Variants in AUTS2 observed in about 807,000 individuals in gnomAD.
AUTS2 encodes activator of transcription and developmental regulator AUTS2, also known as autism susceptibility gene 2 protein.
AUTS2 carries 17 observed loss-of-function variants against 112.4 expected under a neutral mutation model. That is an observed-to-expected ratio of 0.15 (90% CI 0.10 to 0.23). AUTS2 has a LOEUF of 0.23. Among genes scored for constraint, AUTS2 ranks in the 10% least tolerant of loss-of-function variants. The pLI, the probability that AUTS2 is intolerant of heterozygous loss-of-function variation, is 1.00. For missense variants in AUTS2, 1,510 were observed against 1,701.6 expected (o/e 0.89, Z 1.98); for synonymous variants, 751 against 702.7 (o/e 1.07, Z -1.09).
At chr7:69,880,783 G>A (rs975745335) in intron 1 of AUTS2, among the ~76,000 whole-genome samples, 1 of 152,170 alleles carries the variant, frequency 6.6e-6, no homozygotes, top group African/African-American at 2.4e-5. Flanking sequence ...AGAGGAGAGG[G>A]TGGTGACAAT....
intron 6 of AUTS2, among the ~76,000 whole-genome samples, chr7:70,700,904 C>T (rs1161608650): frequency 6.6e-6 from 1 of 152,202 alleles, no homozygotes; most frequent in Non-Finnish European, 1.5e-5. Flanking sequence ...AGTCAGGTCT[C>T]CTATCTTTGT....
intron 4 of AUTS2, among the ~76,000 whole-genome samples, chr7:70,197,493 C>G (rs1810245419): frequency 7.4e-6 from 1 of 135,242 alleles, no homozygotes; most frequent in Non-Finnish European, 1.6e-5. Context: ...GCGCACCGTG[C>G]GCGAGCCGAA....
At chr7:70,035,982 T>C (rs1800983476) in intron 2 of AUTS2, among the ~76,000 whole-genome samples, 1 of 152,184 alleles carries the variant, frequency 6.6e-6, no homozygotes, top group African/African-American at 2.4e-5. Flanking sequence ...GAAGTACAGA[T>C]AACACAAGTA....
intron 1 of AUTS2, among the ~76,000 whole-genome samples, chr7:69,765,344 T>C (rs1788372788): frequency 6.6e-6 from 1 of 152,306 alleles, no homozygotes; most frequent in South Asian, 2.1e-4. Flanking sequence ...TCCTCCAGAA[T>C]GTTGTTAAGA....
chr7:70,738,721 G>T (rs1403268793), intron 6 of AUTS2, among the ~76,000 whole-genome samples: 1 of 152,148 alleles, frequency 6.6e-6, no homozygotes, highest in Non-Finnish European at 1.5e-5. Flanking sequence ...GACCACGTGA[G>T]TGTTACATGT....
intron 2 of AUTS2, among the ~76,000 whole-genome samples, chr7:70,088,674 G>A (rs558162146): frequency 2.6e-5 from 4 of 151,376 alleles, no homozygotes; most frequent in East Asian, 2.0e-4. Flanking sequence ...GTGCAATGGC[G>A]CGATCTCGGC....
At chr7:69,791,195 T>C (rs1419381345) in intron 1 of AUTS2, among the ~76,000 whole-genome samples, 1 of 152,230 alleles carries the variant, frequency 6.6e-6, no homozygotes, top group Admixed American at 6.5e-5. Flanking sequence ...CCTAAATCTT[T>C]TTGTGTTCCC....
chr7:70,629,723 C>G (rs902003378), intron 5 of AUTS2, among the ~76,000 whole-genome samples: 1 of 152,094 alleles, frequency 6.6e-6, no homozygotes, highest in Non-Finnish European at 1.5e-5. Context: ...CGCTGTCTCA[C>G]CAGCCCCACC....
intron 5 of AUTS2, among the ~76,000 whole-genome samples, chr7:70,637,744 G>T (rs1273344168): frequency 2.0e-5 from 3 of 152,126 alleles, no homozygotes; most frequent in Non-Finnish European, 2.9e-5. Context: ...TATAGATGGT[G>T]GGCAAGGGGA....
chr7:70,207,798 G>A (rs1810645140), intron 4 of AUTS2, among the ~76,000 whole-genome samples: 2 of 152,036 alleles, frequency 1.3e-5, no homozygotes. Context: ...GATCACCTGA[G>A]CTCAAGGGTT....
intron 2 of AUTS2, among the ~76,000 whole-genome samples, chr7:69,976,367 T>C (rs759719372): frequency 5.3e-5 from 8 of 152,264 alleles, no homozygotes; most frequent in Non-Finnish European, 1.0e-4. Flanking sequence ...TTCCATTGTA[T>C]GAATATACGG....
chr7:70,241,562 C>T (rs1016470284), intron 4 of AUTS2, among the ~76,000 whole-genome samples: 2 of 152,054 alleles, frequency 1.3e-5, no homozygotes, highest in African/African-American at 2.4e-5. Flanking sequence ...GGTTTGGGTT[C>T]TTTCTCCATT....
In AUTS2 at chr7:70,774,064, A is replaced by C; in HGVS notation, c.1867A>C (p.Thr623Pro). The C allele has an allele frequency of 6.2e-7, 1 of 1,614,192 alleles. No individual in the cohort carries two copies. Among genetic ancestry groups the C allele is most frequent in the Non-Finnish European group, 8.5e-7 (1 of 1,180,046 alleles). ...NPIDVAARPG[T>P]VPHTLLQKDP... is the part of the protein sequence containing the mutation. ...TATCGATGTCGCTGCTCGGCCTGGGACAGTCCCACACACTTTACTCCAAAA... is the reference window on the plus strand; with the variant it reads ...TATCGATGTCGCTGCTCGGCCTGGGCCAGTCCCACACACTTTACTCCAAAA... The change falls in exon 12 of 19, where the codon ACA (threonine) becomes CCA (proline). Residue 623 changes from threonine to proline, a missense_variant. Thr to Pro is a conservative substitution (Grantham distance 38, BLOSUM62 -1). This residue lies in a region of AUTS2 where 187 missense variants were observed against 309.7 expected (regional missense o/e 0.60). Coordinates refer to ENST00000342771, the MANE Select transcript of AUTS2 (RefSeq NM_015570.4).
intron 1 of AUTS2, among the ~76,000 whole-genome samples, chr7:69,653,223 A>T (rs997436825): frequency 5.3e-5 from 8 of 152,214 alleles, no homozygotes; most frequent in African/African-American, 1.9e-4. Context: ...TCTCAGGCCA[A>T]GAAGTGAGTT....
chr7:69,823,380 T>C (rs1791087117), intron 1 of AUTS2, among the ~76,000 whole-genome samples: 1 of 152,194 alleles, frequency 6.6e-6, no homozygotes. Flanking sequence ...TAGACTCTTG[T>C]AGAAGCAAGG....
intron 4 of AUTS2, among the ~76,000 whole-genome samples, chr7:70,298,353 AT>A (rs1789045653): frequency 6.6e-6 from 1 of 152,256 alleles, no homozygotes; most frequent in South Asian, 2.1e-4. Flanking sequence ...TAAAAAACAA[AT>A]TTTAAGTCAC....
In AUTS2 at chr7:70,453,394, C is replaced by T. The variant is rs200606236; in HGVS notation, c.690+17613C>T. Among the ~76,000 whole-genome samples, 39 of 152,310 alleles carry T rather than the reference C, an allele frequency of 2.6e-4. No individual in the cohort carries two copies. In the East Asian group the frequency reaches 7.1e-3, roughly 28 times the overall value. On this transcript the variant is annotated intron_variant, in intron 5 of 18. Transcript: ENST00000342771. ...CCTTCCTAAGCATTACCTTGGCAAGCGCTACAGAGCAATGTAACATAGGAT... is the reference window on the plus strand; with the variant it reads ...CCTTCCTAAGCATTACCTTGGCAAGTGCTACAGAGCAATGTAACATAGGAT...
intron 2 of AUTS2, among the ~76,000 whole-genome samples, chr7:70,008,451 A>G (rs1180009835): frequency 1.3e-5 from 2 of 152,082 alleles, no homozygotes; most frequent in African/African-American, 2.4e-5. Flanking sequence ...TCTTTATTAT[A>G]TATTTGTTTA....
chr7:69,637,701 G>A (rs1389977195), intron 1 of AUTS2, among the ~76,000 whole-genome samples: 3 of 151,972 alleles, frequency 2.0e-5, no homozygotes, highest in African/African-American at 7.3e-5. Flanking sequence ...AGCGATAGTA[G>A]ATGGTTTTGC....
Sources: allele counts gnomAD v4.1 joint callset (sites outside exome capture counted in the v4.1 genomes callset), GRCh38; gene constraint gnomAD v4.1.1; regional missense constraint gnomAD v4.1.1; transcripts MANE v1.5; gene names NCBI Gene and HGNC (gene_info 2026-07-23, HGNC 2026-07-21).